The following MBP variants were observed in gnomAD, a reference collection of about 807,000 sequenced individuals.
MBP encodes Golli-MBP.
MBP carries 16 observed loss-of-function variants against 35.8 expected under a neutral mutation model. That is an observed-to-expected ratio of 0.45 (90% CI 0.30 to 0.68). The LOEUF (loss-of-function observed/expected upper bound fraction) is 0.68, where lower values mean the gene tolerates loss of function less well. Among genes scored for constraint, MBP ranks in the 30% least tolerant of loss-of-function variants. The pLI is 0.08. For synonymous variants in MBP, 143 were observed against 159.6 expected (o/e 0.90, Z 0.78); for missense variants, 380 against 404.7 (o/e 0.94, Z 0.52).
chr18:77,068,039 TTG>T (rs958150011), intron 2 of MBP, among the ~76,000 whole-genome samples: 3 of 114,738 alleles, frequency 2.6e-5, no homozygotes, highest in African/African-American at 9.9e-5. Context: ...GTGTGTGTGT[TTG>T]TGTGTGTGTG....
chr18:77,092,972 C>T (rs1488540696), intron 2 of MBP: 1 of 152,244 alleles, frequency 6.6e-6, no homozygotes, highest in Non-Finnish European at 1.5e-5. Context: ...TTACACGCAG[C>T]AACCAGCATT....
At chr18:77,035,474 A>G (rs991551112) in intron 3 of MBP, among the ~76,000 whole-genome samples, 2 of 152,228 alleles carry the variant, frequency 1.3e-5, no homozygotes. Context: ...GATGCGAACC[A>G]TCTGTCCACG....
intron 2 of MBP, among the ~76,000 whole-genome samples, chr18:77,103,441 T>C (rs893305951): frequency 1.3e-5 from 2 of 152,242 alleles, no homozygotes; most frequent in African/African-American, 4.8e-5. Flanking sequence ...TAATTTTATG[T>C]TGAATTAAAG....
intron 4 of MBP, among the ~76,000 whole-genome samples, chr18:76,997,382 G>C (rs569437696): frequency 6.6e-6 from 1 of 152,198 alleles, no homozygotes; most frequent in African/African-American, 2.4e-5. Context: ...CTGGGGCCCT[G>C]GGGCTTCTGG....
In MBP at chr18:77,025,060, G is replaced by A. The variant is rs192796524; in HGVS notation, c.140-7792C>T. Among the ~76,000 whole-genome samples, 476 of 152,294 alleles carry A rather than the reference G, an allele frequency of 3.1e-3. 1 individual carries two copies. The highest frequency in any genetic ancestry group is 4.8e-3 in the Non-Finnish European group (329 of 68,024). ...TAACTCTCCGAGGCGGGTGGTTTTAGTAGCCCTTTTATTCATACCAGAAAC... is the reference window on the plus strand; with the variant it reads ...TAACTCTCCGAGGCGGGTGGTTTTAATAGCCCTTTTATTCATACCAGAAAC... On this transcript the variant is annotated intron_variant, in intron 3 of 8. Transcript: ENST00000355994.
At chr18:77,082,744 C>T (rs7233979) in intron 2 of MBP, among the ~76,000 whole-genome samples, 2,564 of 101,178 alleles carry the variant, frequency 0.025, 7 homozygotes, top group South Asian at 0.032. Flanking sequence ...AGGAATCCTT[C>T]CTCCCTGCAG....
At position 77,044,812 on chromosome 18, in the gene MBP, A is replaced by C. The variant is rs1169067451; in HGVS notation, c.139+21486T>G. 6.6e-6 allele frequency among the ~76,000 whole-genome samples: 1 copy of C among 152,164 alleles called. No homozygotes were observed. Among genetic ancestry groups the C allele is most frequent in the Non-Finnish European group, 1.5e-5 (1 of 68,034 alleles). ...CTTTCCAAATAAATTTACTTGTAGG[A>C]AACAGAAATGTCTGTTCTCTTAACA... On this transcript the variant is annotated intron_variant, in intron 3 of 8. Coordinates refer to ENST00000355994, the MANE Select transcript of MBP (RefSeq NM_001025101.2). This position sits in a 1 kb window ranked among gnomAD's most constrained non-coding sequence, Gnocchi z 4.4.
intron 2 of MBP, among the ~76,000 whole-genome samples, chr18:77,099,700 T>C (rs1017437751): frequency 3.9e-5 from 6 of 152,214 alleles, no homozygotes; most frequent in Admixed American, 1.3e-4. Flanking sequence ...AAGATGATCC[T>C]TTGAGGGTCC....
At chr18:77,124,931 T>C (rs1599286935) in intron 1 of MBP, among the ~76,000 whole-genome samples, 1 of 152,338 alleles carries the variant, frequency 6.6e-6, no homozygotes, top group East Asian at 1.9e-4. Context: ...CTTCCTCAAG[T>C]CATGGGCTCA....
chr18:77,015,898 C>A (rs1971595190), intron 4 of MBP: 2 of 985,312 alleles, frequency 2.0e-6, no homozygotes, highest in East Asian at 1.1e-4. Context: ...CAGAATCAGC[C>A]CTGCACACAG....
chr18:77,031,434 C>T (rs771248159), intron 3 of MBP, among the ~76,000 whole-genome samples: 13 of 152,174 alleles, frequency 8.5e-5, no homozygotes, highest in Non-Finnish European at 1.0e-4. Flanking sequence ...CCCCTACAAG[C>T]GCAGATTTCA....
At chr18:76,982,764 G>A (rs470181) in intron 8 of MBP, 1 of 152,088 alleles carries the variant, frequency 6.6e-6, no homozygotes, top group Non-Finnish European at 1.5e-5. Context: ...TCTATTGGAA[G>A]TGCTCCAAGT....
rs961756805 is a variant in MBP, at chr18:77,020,198, G to A, written c.140-2930C>T. On this transcript the variant is annotated intron_variant, in intron 3 of 8. Coordinates refer to ENST00000355994, the MANE Select transcript of MBP (RefSeq NM_001025101.2). The surrounding 1 kb of genome is among the most constrained non-coding windows in gnomAD (Gnocchi z 4.1). ...ATCCTGAGCAATTGGGAGAGGGACAGGGACTGGGAGTCTGGCTGGGACACT... is the reference window on the plus strand; with the variant it reads ...ATCCTGAGCAATTGGGAGAGGGACAAGGACTGGGAGTCTGGCTGGGACACT... Among the ~76,000 whole-genome samples the A allele has an allele frequency of 1.4e-4, 21 of 152,118 alleles. No homozygotes were observed. The highest frequency in any genetic ancestry group is 2.9e-4 in the Non-Finnish European group (20 of 68,022).
intron 1 of MBP, among the ~76,000 whole-genome samples, chr18:77,117,801 AC>A (rs1179783598): frequency 4.0e-5 from 2 of 50,090 alleles, no homozygotes; most frequent in Non-Finnish European, 3.8e-5. Flanking sequence ...TTGGGGTGGG[AC>A]GGGGGTCAGT....
At chr18:77,017,804 C>A (rs1034610842) in intron 3 of MBP, 1 of 152,238 alleles carries the variant, frequency 6.6e-6, no homozygotes, top group Non-Finnish European at 1.5e-5. Flanking sequence ...CCACAAGAGG[C>A]CTCTCACAAT....
rs1030628956 is a variant in MBP at position 76,989,229 on chromosome 18, C to T, written c.682-317G>A. 1.6e-4 allele frequency among the ~76,000 whole-genome samples: 24 copies of T among 152,190 alleles called. No individual in the cohort carries two copies. The highest frequency in any genetic ancestry group is 5.8e-4 in the African/African-American group (24 of 41,452). On this transcript the variant is annotated intron_variant, in intron 5 of 8. Coordinates refer to ENST00000355994, the MANE Select transcript of MBP (RefSeq NM_001025101.2). This position sits in a 1 kb window ranked among gnomAD's most constrained non-coding sequence, Gnocchi z 4.0. ...GCGGCGGACTTTGCTTCACCGTGAG[C>T]CCTTTCCGGGGCTAGGAGTAGCGGG...
intron 2 of MBP, among the ~76,000 whole-genome samples, chr18:77,079,346 G>A (rs1210112090): frequency 6.6e-6 from 1 of 152,210 alleles, no homozygotes; most frequent in Non-Finnish European, 1.5e-5. Context: ...CCATGGCCAC[G>A]GCCACTGTGG....
At chr18:77,015,860 T>A in intron 4 of MBP, 1 of 985,472 alleles carries the variant, frequency 1.0e-6, no homozygotes, top group Non-Finnish European at 1.2e-6. Flanking sequence ...AAAAGCCTTT[T>A]ACGCTCCCAC....
intron 4 of MBP, among the ~76,000 whole-genome samples, chr18:77,011,429 CAAAG>C (rs1256879250): frequency 6.6e-6 from 1 of 152,180 alleles, no homozygotes; most frequent in Non-Finnish European, 1.5e-5. Context: ...CTCTTCTTCA[CAAAG>C]AAGATCATCA....
Sources: allele counts gnomAD v4.1 joint callset (sites outside exome capture counted in the v4.1 genomes callset), GRCh38; gene constraint gnomAD v4.1.1; non-coding constraint Gnocchi (gnomAD v3.1); transcripts MANE v1.5; gene names NCBI Gene and HGNC (gene_info 2026-07-23, HGNC 2026-07-21).